The following STOM variants were observed in gnomAD, a reference collection of about 807,000 sequenced individuals.
The protein encoded by STOM is stomatin.
A neutral mutation model predicts 30.6 loss-of-function variants in STOM; 25 were observed. The observed-to-expected ratio is 0.82, with a 90% CI of 0.60 to 1.14. The LOEUF (loss-of-function observed/expected upper bound fraction) is 1.14, where lower values mean the gene tolerates loss of function less well. Among genes scored for constraint, STOM ranks in the 50% most tolerant of loss-of-function variants. The probability of loss-of-function intolerance (pLI) is 0.00; values close to 1 mark genes in which losing one functional copy is unlikely to be tolerated. For missense variants in STOM, 292 were observed against 365.2 expected, an observed-to-expected ratio of 0.80 and a Z score of 1.63; for synonymous variants, 118 against 130.8, an observed-to-expected ratio of 0.90 and a Z score of 0.67.
rs1277679610 is a variant in STOM, at chr9:121,368,327, A to C, written c.61+1800T>G. Among the ~76,000 whole-genome samples the C allele has an allele frequency of 2.6e-5, 4 of 152,226 alleles. No homozygotes were observed. In the East Asian group the frequency reaches 5.8e-4, roughly 22 times the overall value. ...TGTCTGTAAATAAACATTAAGTACA[A>C]AGATCATGTTGATTCTCAAAGAACT... On this transcript the variant is annotated intron_variant, in intron 1 of 6. Transcript: ENST00000286713.
At chr9:121,349,395 C>G (rs2064319213) in intron 4 of STOM, 72 bp from the exon 5 acceptor site, 1 of 1,335,276 alleles carries the variant, frequency 7.5e-7, no homozygotes. Flanking sequence ...GAATGTTATT[C>G]TACAGAATAT....
chr9:121,362,460 A>G (rs2064462730), intron 1 of STOM, among the ~76,000 whole-genome samples: 1 of 152,176 alleles, frequency 6.6e-6, no homozygotes. Flanking sequence ...TCCATTTTAT[A>G]TGATGAAATC....
intron 6 of STOM, among the ~76,000 whole-genome samples, chr9:121,346,097 TCTC>T (rs1440527713): frequency 6.6e-6 from 1 of 152,086 alleles, no homozygotes; most frequent in African/African-American, 2.4e-5. Context: ...TTCAAGCAAT[TCTC>T]CTTCTCAGCC....
Position 121,348,135 on chromosome 9 carries a change from A to T in STOM, c.540T>A (p.Asp180Glu). The T allele has an allele frequency of 6.2e-7, 1 of 1,614,170 alleles. No individual in the cohort carries two copies. Among genetic ancestry groups the T allele is most frequent in the South Asian group, 1.1e-5 (1 of 91,086 alleles). ...CCTTTATTCCCCAGGCATCAGTGGC[A>T]TCATCCAGAGTAGACTGTTAGGAAG... ...IAHNMQSTLDDATDAWGIKVE... is the reference protein window; with the variant it reads ...IAHNMQSTLDEATDAWGIKVE... The change falls in exon 6 of 7, where the codon GAT becomes GAA. Residue 180 changes from aspartate to glutamate, a missense_variant. Coordinates refer to ENST00000286713, the MANE Select transcript of STOM (RefSeq NM_004099.6).
rs1471203943 is a variant in STOM, at chr9:121,339,578, G to T, written c.*1624C>A. 1.6e-6 allele frequency: 2 copies of T among 1,231,282 alleles called. No homozygotes were observed. Among genetic ancestry groups the T allele is most frequent in the East Asian group, 3.2e-5 (1 of 31,706 alleles). The allele number at this position is 1,231,282 out of a possible 1,614,324, so 76.3% of individuals were successfully genotyped here. A position where few individuals can be genotyped will look rare whatever the true frequency, so the allele number is the denominator to read the frequency against. On this transcript the variant is annotated 3_prime_UTR_variant, in exon 7 of 7. Transcript: ENST00000286713. Reference sequence around the variant, plus strand: ...GCTAAAGAGAGCTATAAAGGCTCGTGCTGGGAAAGAAAGCTGTTATGCTTA... The same window carrying T: ...GCTAAAGAGAGCTATAAAGGCTCGTTCTGGGAAAGAAAGCTGTTATGCTTA...
In STOM at chr9:121,351,338, G is replaced by A. The variant is rs115858465; in HGVS notation, c.321+1882C>T. Among the ~76,000 whole-genome samples, 648 of 152,314 alleles carry A rather than the reference G, an allele frequency of 4.3e-3. 4 individuals are homozygous for A. Among genetic ancestry groups the A allele is most frequent in the African/African-American group, 0.015 (618 of 41,564 alleles). ...GTCTTGTTCTTATGAGTAAAATGTG[G>A]GCAAAATGATTCCTGGCATCACTAA... On this transcript the variant is annotated intron_variant, in intron 4 of 6. Transcript: ENST00000286713.
intron 1 of STOM, among the ~76,000 whole-genome samples, chr9:121,367,959 C>T (rs1280013676): frequency 2.0e-5 from 3 of 152,112 alleles, no homozygotes; most frequent in East Asian, 3.8e-4. Context: ...CCATGTGAGC[C>T]GCAGTATCCT....
At chr9:121,353,603 C>T (rs912180514) in intron 3 of STOM, among the ~76,000 whole-genome samples, 5 of 152,212 alleles carry the variant, frequency 3.3e-5, no homozygotes, top group African/African-American at 1.2e-4. Context: ...TGTAGTTTCT[C>T]TCCTATAATC....
intron 1 of STOM, chr9:121,366,164 T>C (rs1205967328): frequency 1.0e-6 from 1 of 985,290 alleles, no homozygotes; most frequent in East Asian, 1.1e-4. Context: ...GTTTTCATTG[T>C]CTGAGACTTT....
At chr9:121,352,095 G>T (rs10985217) in intron 4 of STOM, among the ~76,000 whole-genome samples, 15,962 of 152,100 alleles carry the variant, frequency 0.1, 1,361 homozygotes, top group African/African-American at 0.23. Context: ...CGGTATCTGT[G>T]GGAGATTGAT....
At chr9:121,360,400 C>T (rs1444417262) in intron 1 of STOM, among the ~76,000 whole-genome samples, 1 of 151,724 alleles carries the variant, frequency 6.6e-6, no homozygotes, top group Non-Finnish European at 1.5e-5. Context: ...ACTGAGATTC[C>T]CTGAGAACGA....
chr9:121,364,136 G>T (rs972903178), intron 1 of STOM, among the ~76,000 whole-genome samples: 2 of 152,284 alleles, frequency 1.3e-5, no homozygotes, highest in East Asian at 1.9e-4. Context: ...AAGAGAGATA[G>T]ATTAAAAAAG....
At chr9:121,366,455 T>A (rs1479962119) in intron 1 of STOM, among the ~76,000 whole-genome samples, 1 of 152,154 alleles carries the variant, frequency 6.6e-6, no homozygotes, top group Admixed American at 6.5e-5. Context: ...AAAAGGAGAT[T>A]TCTTATTAAG....
chr9:121,360,783 TTG>T lies in STOM; in HGVS notation c.62-4629_62-4628del, dbSNP rs150749703. Among the ~76,000 whole-genome samples the T allele has an allele frequency of 7.8e-3, 1,182 of 152,312 alleles. 19 individuals are homozygous for T. Among genetic ancestry groups the T allele is most frequent in the African/African-American group, 0.027 (1,136 of 41,554 alleles). ...GCCAAAAAGTTCAGCCCAGTTTTTT[TTG>T]TGTCAGTTCCCATGTCACATTGTGT... is the stretch of plus-strand genomic sequence containing the variant. On this transcript the variant is annotated intron_variant, in intron 1 of 6. Coordinates refer to ENST00000286713, the MANE Select transcript of STOM (RefSeq NM_004099.6).
chr9:121,363,865 CTTTTGCTTA>C (rs1325072211), intron 1 of STOM, among the ~76,000 whole-genome samples: 3 of 152,174 alleles, frequency 2.0e-5, no homozygotes, highest in Non-Finnish European at 4.4e-5. Context: ...CAGTTTCTCC[CTTTTGCTTA>C]TTTTGAAGCA....
intron 6 of STOM, among the ~76,000 whole-genome samples, chr9:121,344,937 T>G (rs1467369488): frequency 6.6e-6 from 1 of 152,178 alleles, no homozygotes; most frequent in Non-Finnish European, 1.5e-5. Flanking sequence ...AAACCTAACA[T>G]ACAGAGAAAC....
At chr9:121,343,735 G>C (rs894228537) in intron 6 of STOM, among the ~76,000 whole-genome samples, 2 of 152,158 alleles carry the variant, frequency 1.3e-5, no homozygotes, top group Non-Finnish European at 2.9e-5. Context: ...GGGATGAATG[G>C]GGCCGGGTTC....
chr9:121,362,894 T>C (rs1348492665), intron 1 of STOM, among the ~76,000 whole-genome samples: 1 of 152,218 alleles, frequency 6.6e-6, no homozygotes. Flanking sequence ...CTTTCCAAGA[T>C]GACAACACAG....
chr9:121,349,341 C>A lies in STOM; in HGVS notation c.322-18G>T. On this transcript the variant is annotated intron_variant, in intron 4 of 6. Coordinates refer to ENST00000286713, the MANE Select transcript of STOM (RefSeq NM_004099.6). ...GTGAGGATCTACAAGATGAAGGAAGCAATTTTACATCTGTCAACGACTTTT... is the reference window on the plus strand; with the variant it reads ...GTGAGGATCTACAAGATGAAGGAAGAAATTTTACATCTGTCAACGACTTTT... 1 of 1,611,976 alleles carries A rather than the reference C, an allele frequency of 6.2e-7. No homozygotes were observed.
Sources: gnomAD v4.1 joint callset for allele counts (sites outside exome capture counted in the v4.1 genomes callset) on GRCh38, gnomAD v4.1.1 for gene constraint, MANE v1.5 for transcripts, NCBI Gene and HGNC (gene_info 2026-07-23, HGNC 2026-07-21) for gene names.